ANKRD10: variants seen among roughly 807,000 people sequenced by gnomAD.
ANKRD10 encodes the protein ankyrin repeat domain-containing protein 10.
In ANKRD10, 14 loss-of-function variants were observed where a neutral mutation model predicts 27.0. That is an observed-to-expected ratio of 0.52 (90% CI 0.34 to 0.81). ANKRD10 has a LOEUF of 0.81. ANKRD10 is among the 40% of genes least tolerant of loss of function. ANKRD10 has a pLI of 0.01. For missense variants in ANKRD10, 493 were observed against 544.0 expected (o/e 0.91, Z 0.93); for synonymous variants, 250 against 224.5 (o/e 1.11, Z -1.01).
chr13:110,912,956 T>G (rs1486221826), intron 1 of ANKRD10, among the ~76,000 whole-genome samples: 1 of 152,248 alleles, frequency 6.6e-6, no homozygotes, highest in Admixed American at 6.5e-5. Context: ...AGTAACTGCT[T>G]CTTGTTACAA....
chr13:110,914,793 C>T lies in ANKRD10; in HGVS notation c.142G>A (p.Ala48Thr), dbSNP rs765650155. 6 of 1,595,998 alleles carry T rather than the reference C, an allele frequency of 3.8e-6. No homozygotes were observed. The South Asian group carries it at 4.5e-5, about 12-fold the overall frequency. Residue 48 changes from alanine (A) to threonine (T), a missense_variant, in exon 1 of 6, where the codon GCC (alanine) becomes ACC (threonine). Physicochemically the swap from Ala to Thr is moderately conservative, Grantham distance 58 (BLOSUM62 0). Transcript: ENST00000267339. ...LCSLLQQTPHAHLASEDSFYG... is the reference protein window; with the variant it reads ...LCSLLQQTPHTHLASEDSFYG... ...AAGGAGTCCTCAGAGGCCAGGTGGGCGTGGGGTGTCTGCTGCAGCAGCGAG... is the reference window on the plus strand; with the variant it reads ...AAGGAGTCCTCAGAGGCCAGGTGGGTGTGGGGTGTCTGCTGCAGCAGCGAG...
At chr13:110,914,544 C>T in intron 1 of ANKRD10, 181 bp downstream of exon 1, 2 of 851,190 alleles carry the variant, frequency 2.3e-6, no homozygotes, top group Non-Finnish European at 3.1e-6. Context: ...TGCCCCGCCG[C>T]GACTCCGGGC....
At chr13:110,890,336 A>T (rs2065041092) in intron 4 of ANKRD10, among the ~76,000 whole-genome samples, 1 of 152,148 alleles carries the variant, frequency 6.6e-6, no homozygotes, top group Non-Finnish European at 1.5e-5. Flanking sequence ...CGACATCAGC[A>T]CTCTCAGTAT....
In ANKRD10 at chr13:110,910,677, C is replaced by T; in HGVS notation, c.304G>A (p.Gly102Arg). The T allele has an allele frequency of 1.2e-6, 2 of 1,614,168 alleles. No homozygotes were observed. Among genetic ancestry groups the T allele is most frequent in the Non-Finnish European group, 1.7e-6 (2 of 1,180,024 alleles). Residue 102 changes from glycine (G) to arginine (R), a missense_variant, in exon 2 of 6, where the codon GGG becomes AGG. By Grantham distance (125) the Gly-to-Arg change is moderately radical. Transcript: ENST00000267339. Reference protein sequence around the residue: ...AQTPAHIAAFGGHPQCLVWLI... With the variant: ...AQTPAHIAAFRGHPQCLVWLI... ...CAGACCAGGCACTGAGGATGTCCCC[C>T]AAAGGCTGCAATGTGGGCTGGCGTC... is the stretch of plus-strand genomic sequence containing the variant.
chr13:110,906,179 T>C (rs2065526938), intron 2 of ANKRD10, 55 bp from the exon 3 acceptor site: 1 of 1,360,380 alleles, frequency 7.4e-7, no homozygotes, highest in African/African-American at 1.4e-5. Context: ...TTCTGACATT[T>C]TGGAAGTAAT....
Position 110,891,979 on chromosome 13 carries a change from C to T in ANKRD10, c.691+1049G>A, listed in dbSNP as rs548665506. Among the ~76,000 whole-genome samples, 7 of 149,226 alleles carry T rather than the reference C, an allele frequency of 4.7e-5. No individual in the cohort carries two copies. In the East Asian group the frequency reaches 1.4e-3, roughly 30 times the overall value. ...CCTCCTGCCTCAGCCTCCCAAAGTG[C>T]TGGGATTACAGGTATGAGCCATGAC... On this transcript the variant is annotated intron_variant, in intron 4 of 5. Coordinates refer to ENST00000267339, the MANE Select transcript of ANKRD10 (RefSeq NM_017664.4).
At position 110,910,747 on chromosome 13, in the gene ANKRD10, C is replaced by T. The variant is rs1018976317; in HGVS notation, c.234G>A (p.Val78=). The T allele has an allele frequency of 6.2e-7, 1 of 1,614,052 alleles. No homozygotes were observed. Among genetic ancestry groups the T allele is most frequent in the African/African-American group, 1.3e-5 (1 of 75,026 alleles). The part of the protein sequence containing the change: ...FGKLECLVQL[V]RAGATLNVST... ...AGACGTTGAGTGTGGCTCCCGCTCT[C>T]ACCAACTGCACTAAGCACTCCAACT... Residue 78 remains valine, a synonymous_variant, in exon 2 of 6, where the codon GTG becomes GTA. Coordinates refer to ENST00000267339, the MANE Select transcript of ANKRD10 (RefSeq NM_017664.4).
chr13:110,892,951 G>A (rs1028112504), intron 4 of ANKRD10, 77 bp downstream of exon 4: 13 of 1,561,262 alleles, frequency 8.3e-6, no homozygotes, highest in Middle Eastern at 3.4e-4. Context: ...TCTCGAAGGT[G>A]CGCTCAGCCA....
In ANKRD10 at chr13:110,892,824, G is replaced by C. The variant is rs556422814; in HGVS notation, c.691+204C>G. 7.0e-5 allele frequency: 96 copies of C among 1,373,914 alleles called. No individual in the cohort carries two copies. The South Asian group carries it at 1.5e-3, about 22-fold the overall frequency. The allele number at this position is 1,373,914 out of a possible 1,614,324, so 85.1% of individuals were successfully genotyped here. ...ATAGACATTTACACTTGGGCCATCA[G>C]TATTTCCCTCACATTCCCTTTTGTT... On this transcript the variant is annotated intron_variant, in intron 4 of 5. Coordinates refer to ENST00000267339, the MANE Select transcript of ANKRD10 (RefSeq NM_017664.4).
chr13:110,910,977 TAGAA>T (rs1279171583), intron 1 of ANKRD10, among the ~76,000 whole-genome samples: 3 of 152,046 alleles, frequency 2.0e-5, no homozygotes, highest in Non-Finnish European at 2.9e-5. Context: ...AGACGGTAGA[TAGAA>T]ATAGAAAAAT....
At chr13:110,882,538 T>C (rs116555294) in intron 5 of ANKRD10, among the ~76,000 whole-genome samples, 310 of 152,300 alleles carry the variant, frequency 2.0e-3, no homozygotes, top group African/African-American at 7.2e-3. Context: ...AACAAATAAC[T>C]AATGTCTGAG....
chr13:110,897,232 C>G (rs2065250730), intron 3 of ANKRD10, among the ~76,000 whole-genome samples: 2 of 151,480 alleles, frequency 1.3e-5, no homozygotes, highest in South Asian at 4.2e-4. Context: ...GCTAAGGGAT[C>G]CTCCTTAGCC....
rs540840225 is a variant in ANKRD10, at chr13:110,880,240, T to A, written c.788-128A>T. The A allele has an allele frequency of 3.8e-6, 3 of 792,632 alleles. No individual in the cohort carries two copies. In the African/African-American group the frequency reaches 5.2e-5, roughly 14 times the overall value. The allele number at this position is 792,632 out of a possible 1,614,324, so 49.1% of individuals were successfully genotyped here. On this transcript the variant is annotated intron_variant, in intron 5 of 5. Coordinates refer to ENST00000267339, the MANE Select transcript of ANKRD10 (RefSeq NM_017664.4). ...TTTTTTTTCCTTTTAAACCAGTTCT[T>A]TTTTCAAAGTAAAATCAATGTGCAT...
At chr13:110,884,503 G>T (rs553817430) in intron 4 of ANKRD10, among the ~76,000 whole-genome samples, 1 of 152,150 alleles carries the variant, frequency 6.6e-6, no homozygotes, top group Non-Finnish European at 1.5e-5. Flanking sequence ...GTGTCTGAAC[G>T]GCTTCTCGTG....
chr13:110,898,919 C>T (rs949314680), intron 3 of ANKRD10: 4 of 152,142 alleles, frequency 2.6e-5, no homozygotes, highest in Non-Finnish European at 5.9e-5. Flanking sequence ...CCACACCCAG[C>T]TAATTTTTTG....
Position 110,893,434 on chromosome 13 carries a change from T to C in ANKRD10, c.456-171A>G, listed in dbSNP as rs936483453. Among the ~76,000 whole-genome samples, 13 of 152,238 alleles carry C rather than the reference T, an allele frequency of 8.5e-5. No individual in the cohort carries two copies. In the East Asian group the frequency reaches 2.5e-3, roughly 29 times the overall value. On this transcript the variant is annotated intron_variant, in intron 3 of 5. Transcript: ENST00000267339. ...CTAGCTCTGTAACTAACTTCTCTTA[T>C]ATACATTTGATTTCTAAGCAAGATT...
intron 4 of ANKRD10, among the ~76,000 whole-genome samples, chr13:110,885,730 G>A (rs2064912435): frequency 6.7e-6 from 1 of 149,706 alleles, no homozygotes; most frequent in Non-Finnish European, 1.5e-5. Flanking sequence ...CTGCAATCCT[G>A]CAAAGCCACA....
At position 110,889,484 on chromosome 13, in the gene ANKRD10, A is replaced by G. The variant is rs183023399; in HGVS notation, c.691+3544T>C. Among the ~76,000 whole-genome samples the G allele has an allele frequency of 1.8e-4, 28 of 151,786 alleles. No homozygotes were observed. In the East Asian group the frequency reaches 5.0e-3, roughly 27 times the overall value. On this transcript the variant is annotated intron_variant, in intron 4 of 5. Transcript: ENST00000267339. ...TGACACAGATGCAAATAATTTTATG[A>G]AAGTATGACTTCTTGTAGCATAACT...
chr13:110,909,019 G>C (rs1398166381), intron 2 of ANKRD10, among the ~76,000 whole-genome samples: 1 of 151,976 alleles, frequency 6.6e-6, no homozygotes, highest in African/African-American at 2.4e-5. Flanking sequence ...AGAGGCATCT[G>C]AGAGGAAGGT....
Sources: gnomAD v4.1 joint callset for allele counts (sites outside exome capture counted in the v4.1 genomes callset) on GRCh38, gnomAD v4.1.1 for gene constraint, MANE v1.5 for transcripts, NCBI Gene and HGNC (gene_info 2026-07-23, HGNC 2026-07-21) for gene names.